PTPRT: variants seen among roughly 807,000 people sequenced by gnomAD.
PTPRT encodes receptor-type tyrosine-protein phosphatase T.
In PTPRT, 56 loss-of-function variants were observed where a neutral mutation model predicts 176.8. The observed-to-expected ratio is 0.32, with a 90% CI of 0.26 to 0.40. PTPRT has a LOEUF of 0.40. PTPRT is among the 10% of genes least tolerant of loss of function. The pLI, the probability that PTPRT is intolerant of heterozygous loss-of-function variation, is 1.00. For synonymous variants in PTPRT, 783 were observed against 739.0 expected, an observed-to-expected ratio of 1.06 and a Z score of -0.96; for missense variants, 1,540 against 1,908.2, an observed-to-expected ratio of 0.81 and a Z score of 3.60.
intron 7 of PTPRT, among the ~76,000 whole-genome samples, chr20:42,500,786 G>A (rs912471947): frequency 6.6e-6 from 1 of 152,070 alleles, no homozygotes; most frequent in African/African-American, 2.4e-5. Flanking sequence ...GGTATTTTTA[G>A]TTTAATGATT....
chr20:42,350,214 G>GT (rs764181357), intron 11 of PTPRT, among the ~76,000 whole-genome samples: 1,365 of 58,276 alleles, frequency 0.023, 112 homozygotes, highest in Non-Finnish European at 0.033. Flanking sequence ...GATGTTTCTT[G>GT]TTTTTTTTTT....
intron 2 of PTPRT, among the ~76,000 whole-genome samples, chr20:42,840,117 T>C (rs77387086): frequency 6.6e-6 from 1 of 152,170 alleles, no homozygotes; most frequent in Admixed American, 6.5e-5. Flanking sequence ...CTGAAACCTA[T>C]AGGGAAGAAT....
At chr20:42,884,365 C>A (rs1402953448) in intron 2 of PTPRT, among the ~76,000 whole-genome samples, 1 of 152,156 alleles carries the variant, frequency 6.6e-6, no homozygotes, top group Non-Finnish European at 1.5e-5. Context: ...CCATAACCAT[C>A]CAGTGCCTCC....
chr20:42,583,862 T>C, intron 7 of PTPRT, among the ~76,000 whole-genome samples: 1 of 152,212 alleles, frequency 6.6e-6, no homozygotes. Context: ...CTTTGACTCC[T>C]TTCTTTCTCT....
intron 6 of PTPRT, among the ~76,000 whole-genome samples, chr20:42,734,398 A>G (rs1390356299): frequency 1.3e-5 from 2 of 152,172 alleles, no homozygotes; most frequent in Non-Finnish European, 2.9e-5. Context: ...AGAGTCTCCA[A>G]TAGCATCATC....
intron 1 of PTPRT, among the ~76,000 whole-genome samples, chr20:43,098,905 C>A (rs1429874339): frequency 6.6e-6 from 1 of 152,062 alleles, no homozygotes; most frequent in Non-Finnish European, 1.5e-5. Context: ...TGGGAACTGC[C>A]CTCAATCATT....
intron 7 of PTPRT, among the ~76,000 whole-genome samples, chr20:42,554,035 G>GATCCTAGA (rs2072816561): frequency 6.6e-6 from 1 of 152,122 alleles, no homozygotes; most frequent in South Asian, 2.1e-4. Context: ...GGTGTTCCTT[G>GATCCTAGA]ATCCTAGAGC....
chr20:42,107,026 C>T, intron 23 of PTPRT, 105 bp from the exon 24 acceptor site: 1 of 1,400,316 alleles, frequency 7.1e-7, no homozygotes, highest in Non-Finnish European at 9.7e-7. Flanking sequence ...CTGGGAGGCT[C>T]TAGATTATGT....
At chr20:42,700,953 C>T (rs995258490) in intron 6 of PTPRT, among the ~76,000 whole-genome samples, 2 of 152,104 alleles carry the variant, frequency 1.3e-5, no homozygotes. Flanking sequence ...CCAGGCAGAG[C>T]CAGTGGGGGC....
At position 42,085,811 on chromosome 20, in the gene PTPRT, C is replaced by T; in HGVS notation, c.3889G>A (p.Gly1297Arg). The change falls in exon 28 of 31, where the codon GGG becomes AGG. Residue 1297 changes from glycine (G) to arginine (R), a missense_variant. Around this residue, in one of 11 missense-constraint regions of PTPRT, gnomAD observed 342 missense variants for 394.0 expected, o/e 0.87. Transcript: ENST00000373187. ...GAGACGAACTCCACCTGGATGGGCC[C>T]ATAGCACCCGGAGGTCTTCTCAGGC... ...YWPEKTSGCY[G>R]PIQVEFVSAD... is the part of the protein sequence containing the mutation. 1 of 1,613,744 alleles carries T rather than the reference C, an allele frequency of 6.2e-7. No homozygotes were observed. Among genetic ancestry groups the T allele is most frequent in the East Asian group, 2.2e-5 (1 of 44,882 alleles).
chr20:42,432,328 C>G (rs2059222229), intron 9 of PTPRT, among the ~76,000 whole-genome samples: 1 of 152,206 alleles, frequency 6.6e-6, no homozygotes, highest in Non-Finnish European at 1.5e-5. Context: ...TAGGGTCTTG[C>G]TGTCACTAGG....
chr20:43,150,800 G>C (rs2014326034), intron 1 of PTPRT, among the ~76,000 whole-genome samples: 1 of 152,088 alleles, frequency 6.6e-6, no homozygotes, highest in Non-Finnish European at 1.5e-5. Context: ...CCGCACTGGG[G>C]AGAAAGGTGA....
intron 7 of PTPRT, among the ~76,000 whole-genome samples, chr20:42,600,589 G>C (rs1273104938): frequency 6.6e-6 from 1 of 152,276 alleles, no homozygotes; most frequent in East Asian, 1.9e-4. Context: ...CCGATAGGTA[G>C]TATTTCATCT....
chr20:42,348,414 A>G (rs1332001516), intron 11 of PTPRT, among the ~76,000 whole-genome samples: 1 of 124,424 alleles, frequency 8.0e-6, no homozygotes, highest in African/African-American at 2.9e-5. Context: ...TTTTGGATAA[A>G]AATGTCACCA....
At chr20:42,100,354 G>C (rs754888723) in intron 26 of PTPRT, among the ~76,000 whole-genome samples, 4 of 152,276 alleles carry the variant, frequency 2.6e-5, no homozygotes, top group Non-Finnish European at 5.9e-5. Flanking sequence ...TTAACCCAGA[G>C]GACTTCATAT....
intron 7 of PTPRT, among the ~76,000 whole-genome samples, chr20:42,602,766 G>C (rs2073804523): frequency 6.6e-6 from 1 of 151,956 alleles, no homozygotes; most frequent in South Asian, 2.1e-4. Flanking sequence ...GACAGAACAA[G>C]GAGCAGGGGC....
chr20:42,206,418 G>A (rs1365147304), intron 15 of PTPRT, among the ~76,000 whole-genome samples: 8 of 151,688 alleles, frequency 5.3e-5, no homozygotes, highest in African/African-American at 7.3e-5. Context: ...CAGGTCAGTG[G>A]GTGCGCGCAC....
chr20:42,180,320 G>C (rs1340921036), intron 16 of PTPRT, among the ~76,000 whole-genome samples: 1 of 151,782 alleles, frequency 6.6e-6, no homozygotes, highest in Non-Finnish European at 1.5e-5. Context: ...GCCTCTAATA[G>C]AGACACTCTT....
At chr20:42,427,983 C>T (rs1555848896) in intron 9 of PTPRT, among the ~76,000 whole-genome samples, 1 of 152,224 alleles carries the variant, frequency 6.6e-6, no homozygotes, top group South Asian at 2.1e-4. Flanking sequence ...GGCCCCACCC[C>T]TATCTCCCTT....
Sources: allele counts gnomAD v4.1 joint callset (sites outside exome capture counted in the v4.1 genomes callset), GRCh38; gene constraint gnomAD v4.1.1; regional missense constraint gnomAD v4.1.1; transcripts MANE v1.5; gene names NCBI Gene and HGNC (gene_info 2026-07-23, HGNC 2026-07-21).